Variants in SGSM2 observed in about 807,000 individuals in gnomAD.
SGSM2 encodes RUN and TBC1 domain containing 1.
SGSM2 carries 89 observed loss-of-function variants against 126.6 expected under a neutral mutation model. The observed-to-expected ratio is 0.70, with a 90% CI of 0.59 to 0.84. The LOEUF is 0.84. SGSM2 is among the 40% of genes least tolerant of loss of function. The pLI, the probability that SGSM2 is intolerant of heterozygous loss-of-function variation, is 0.00. For synonymous variants in SGSM2, 614 were observed against 574.3 expected, an observed-to-expected ratio of 1.07 and a Z score of -0.99; for missense variants, 1,404 against 1,416.6, an observed-to-expected ratio of 0.99 and a Z score of 0.14.
rs2065359406 is a variant in SGSM2 at position 2,362,456 on chromosome 17, C to CCAAAAACTGCAGGTGACCGCCCT, written c.458+186_458+187insCAAAAACTGCAGGTGACCGCCCT. ...TCCCAAAAACTGCAGGTGACCGCCCCGTTCCCCAAAAACTGCAGGTGACCG... is the reference window on the plus strand; with the variant it reads ...TCCCAAAAACTGCAGGTGACCGCCCCCAAAAACTGCAGGTGACCGCCCTGTTCCCCAAAAACTGCAGGTGACCG... On this transcript the variant is annotated intron_variant, in intron 4 of 23. Transcript: ENST00000268989. The surrounding 1 kb of genome is among the most constrained non-coding windows in gnomAD (Gnocchi z 4.9). Among the ~76,000 whole-genome samples the CCAAAAACTGCAGGTGACCGCCCT allele has an allele frequency of 6.7e-6, 1 of 149,090 alleles. No homozygotes were observed. The highest frequency in any genetic ancestry group is 2.0e-4 in the East Asian group (1 of 5,062).
At chr17:2,375,908 G>C (rs376342624) in intron 18 of SGSM2, 33 bp downstream of exon 18, 2 of 1,507,410 alleles carry the variant, frequency 1.3e-6, no homozygotes, top group Admixed American at 2.2e-5. Context: ...GTTCCCAGCC[G>C]CCCCAGAGGC....
intron 2 of SGSM2, among the ~76,000 whole-genome samples, 166 bp downstream of exon 2, chr17:2,343,786 A>T (rs970285323): frequency 1.3e-5 from 2 of 152,212 alleles, no homozygotes; most frequent in South Asian, 4.1e-4. Flanking sequence ...TTGCAGACCT[A>T]CTAAATCAGG....
chr17:2,379,696 G>GAT lies in SGSM2; in HGVS notation c.*176_*177insAT. The GAT allele has an allele frequency of 7.0e-7, 1 of 1,423,894 alleles. No individual in the cohort carries two copies. Among genetic ancestry groups the GAT allele is most frequent in the Non-Finnish European group, 9.2e-7 (1 of 1,088,326 alleles). The allele number at this position is 1,423,894 out of a possible 1,614,324, so 88.2% of individuals were successfully genotyped here. ...GCTGACCCTGCAGGGCAAGTCAGGG[G>GAT]CCAGGATGCCCTCGGATCAGGGCCG... On this transcript the variant is annotated 3_prime_UTR_variant, in exon 24 of 24. Transcript: ENST00000268989.
At chr17:2,379,298 T>C (rs780432857) in intron 23 of SGSM2, 95 bp downstream of exon 23, 195 of 1,567,676 alleles carry the variant, frequency 1.2e-4, no homozygotes, top group Middle Eastern at 5.1e-4. Flanking sequence ...TCAGGAATCC[T>C]GGGGGCCCTT....
At position 2,371,110 on chromosome 17, in the gene SGSM2, CTG is replaced by C. The variant is rs992625740; in HGVS notation, c.1424-151_1424-150del. On this transcript the variant is annotated intron_variant, in intron 12 of 23. Transcript: ENST00000268989. ...CCCTCTCTCCCTACCGTTTCCATCT[CTG>C]GGCTCTGGACCAGGCAGGCCCCACC... is the stretch of plus-strand genomic sequence containing the variant. The C allele has an allele frequency of 1.1e-4, 90 of 848,638 alleles. No individual in the cohort carries two copies. In the East Asian group the frequency reaches 2.6e-3, roughly 25 times the overall value. The allele number at this position is 848,638 out of a possible 1,614,324, so 52.6% of individuals were successfully genotyped here.
Position 2,372,553 on chromosome 17 carries a change from A to C in SGSM2, c.1788+65A>C. ...TGGGGCGGGCAGGAGTGAGGGCTTC[A>C]GGGTAAAATGTGCCAGTGGGTGCGG... On this transcript the variant is annotated intron_variant, in intron 15 of 23. Coordinates refer to ENST00000268989, the MANE Select transcript of SGSM2 (RefSeq NM_014853.3). The surrounding 1 kb of genome is among the most constrained non-coding windows in gnomAD (Gnocchi z 6.0). 4 of 1,566,842 alleles carry C rather than the reference A, an allele frequency of 2.6e-6. No individual in the cohort carries two copies. Among genetic ancestry groups the C allele is most frequent in the Non-Finnish European group, 3.4e-6 (4 of 1,160,068 alleles).
chr17:2,348,174 A>G (rs2064686927), intron 2 of SGSM2, among the ~76,000 whole-genome samples: 1 of 152,204 alleles, frequency 6.6e-6, no homozygotes, highest in Non-Finnish European at 1.5e-5. Flanking sequence ...TGGCAAGGAG[A>G]TGCTAATAAG....
chr17:2,359,096 C>A (rs1409208439), intron 2 of SGSM2, among the ~76,000 whole-genome samples: 1 of 152,058 alleles, frequency 6.6e-6, no homozygotes. Flanking sequence ...CCAGGATGGT[C>A]TCAATCTCCT....
At position 2,379,541 on chromosome 17, in the gene SGSM2, G is replaced by A. The variant is rs751529135; in HGVS notation, c.*21G>A. The A allele has an allele frequency of 3.1e-6, 5 of 1,603,442 alleles. No homozygotes were observed. The Admixed American group carries it at 8.4e-5, about 27-fold the overall frequency. On this transcript the variant is annotated 3_prime_UTR_variant, in exon 24 of 24. Transcript: ENST00000268989. ...AGTGAGCTGGGGCCAGGAGGCAGCA[G>A]CCGTGCAGAGCCTGGGCTCCGGCAG... is the stretch of plus-strand genomic sequence containing the variant.
chr17:2,379,596 C>T lies in SGSM2; in HGVS notation c.*76C>T. On this transcript the variant is annotated 3_prime_UTR_variant, in exon 24 of 24. Transcript: ENST00000268989. ...AGGTGCAGGGGAGTCACCGCCCAGA[C>T]CTCCCCAGCCACCAACCGACCCCAC... 6.4e-7 allele frequency: 1 copy of T among 1,551,770 alleles called. No individual in the cohort carries two copies. Among genetic ancestry groups the T allele is most frequent in the Non-Finnish European group, 8.8e-7 (1 of 1,142,788 alleles).
chr17:2,344,309 C>T (rs149483679), intron 2 of SGSM2, among the ~76,000 whole-genome samples: 1 of 152,356 alleles, frequency 6.6e-6, no homozygotes, highest in African/African-American at 2.4e-5. Context: ...TCCCTACGCA[C>T]AGACTCTTCT....
rs1274810988 is a variant in SGSM2, at chr17:2,367,146, CCT to C, written c.1289-122_1289-121del. Reference sequence around the variant, plus strand: ...AGAGCTTTCTGGTCCCCTCCCTTCCCCTCTTCTGTGCCCTGCAGATTCACGAT... The same window carrying C: ...AGAGCTTTCTGGTCCCCTCCCTTCCCCTTCTGTGCCCTGCAGATTCACGAT... On this transcript the variant is annotated intron_variant, in intron 11 of 23. Coordinates refer to ENST00000268989, the MANE Select transcript of SGSM2 (RefSeq NM_014853.3). The surrounding 1 kb of genome is among the most constrained non-coding windows in gnomAD (Gnocchi z 4.0). 9 of 1,127,094 alleles carry C rather than the reference CCT, an allele frequency of 8.0e-6. No homozygotes were observed. The highest frequency in any genetic ancestry group is 1.1e-5 in the Non-Finnish European group (9 of 815,240). 69.8% of individuals were successfully genotyped at this position (1,127,094 alleles called of 1,614,324 possible).
chr17:2,376,015 C>A, intron 18 of SGSM2, 122 bp from the exon 19 acceptor site: 2 of 1,525,714 alleles, frequency 1.3e-6, no homozygotes, highest in Non-Finnish European at 1.8e-6. Context: ...TTCTCAGCAT[C>A]CCCACAGGAC....
chr17:2,347,174 C>T (rs1188088178), intron 2 of SGSM2, among the ~76,000 whole-genome samples: 2 of 152,162 alleles, frequency 1.3e-5, no homozygotes, highest in Non-Finnish European at 2.9e-5. Flanking sequence ...GGTGCTATCT[C>T]AGCTCACTGC....
chr17:2,372,303 T>C lies in SGSM2; in HGVS notation c.1643-40T>C. On this transcript the variant is annotated intron_variant, in intron 14 of 23. Transcript: ENST00000268989. This position sits in a 1 kb window ranked among gnomAD's most constrained non-coding sequence, Gnocchi z 6.0. ...GTGGCGGGCTGGGGGCGGGCGGCCCTGGGTCCCAGCCTCCTGCTGCCCACC... is the reference window on the plus strand; with the variant it reads ...GTGGCGGGCTGGGGGCGGGCGGCCCCGGGTCCCAGCCTCCTGCTGCCCACC... 1 of 1,610,272 alleles carries C rather than the reference T, an allele frequency of 6.2e-7. No homozygotes were observed. The highest frequency in any genetic ancestry group is 1.1e-5 in the South Asian group (1 of 90,934).
intron 22 of SGSM2, 57 bp downstream of exon 22, chr17:2,378,010 C>A: frequency 8.9e-7 from 1 of 1,119,552 alleles, no homozygotes; most frequent in Non-Finnish European, 1.4e-6. Flanking sequence ...GATCCCTCTT[C>A]CCCCAAGCCA....
chr17:2,349,178 C>T (rs2064738960), intron 2 of SGSM2, among the ~76,000 whole-genome samples: 1 of 151,938 alleles, frequency 6.6e-6, no homozygotes, highest in Non-Finnish European at 1.5e-5. Context: ...GAGTTCGAGA[C>T]CAGCCTGGCC....
Position 2,379,556 on chromosome 17 carries a change from G to A in SGSM2, c.*36G>A. On this transcript the variant is annotated 3_prime_UTR_variant, in exon 24 of 24. Coordinates refer to ENST00000268989, the MANE Select transcript of SGSM2 (RefSeq NM_014853.3). ...GGAGGCAGCAGCCGTGCAGAGCCTG[G>A]GCTCCGGCAGGGAGAGGTGCAGGGG... is the stretch of plus-strand genomic sequence containing the variant. 1.3e-6 allele frequency: 2 copies of A among 1,595,902 alleles called. No individual in the cohort carries two copies. The highest frequency in any genetic ancestry group is 1.7e-6 in the Non-Finnish European group (2 of 1,167,716).
At chr17:2,360,741 C>G (rs890820872) in intron 2 of SGSM2, among the ~76,000 whole-genome samples, 5 of 152,254 alleles carry the variant, frequency 3.3e-5, no homozygotes, top group African/African-American at 1.2e-4. Context: ...TGTGAAAAAA[C>G]CACCTCCTTC....
Sources: allele counts gnomAD v4.1 joint callset (sites outside exome capture counted in the v4.1 genomes callset), GRCh38; gene constraint gnomAD v4.1.1; non-coding constraint Gnocchi (gnomAD v3.1); transcripts MANE v1.5; gene names NCBI Gene and HGNC (gene_info 2026-07-23, HGNC 2026-07-21).